The following MAD1L1 variants were observed in gnomAD, a reference collection of about 807,000 sequenced individuals.
The protein encoded by MAD1L1 is mitotic arrest deficient 1 like 1, also known as mitotic spindle assembly checkpoint protein MAD1.
A neutral mutation model predicts 96.9 loss-of-function variants in MAD1L1; 95 were observed. That is an observed-to-expected ratio of 0.98 (90% CI 0.83 to 1.16). The LOEUF (loss-of-function observed/expected upper bound fraction) is 1.16, where lower values mean the gene tolerates loss of function less well. Among genes scored for constraint, MAD1L1 ranks in the 50% most tolerant of loss-of-function variants. MAD1L1 has a pLI of 0.00. For missense variants in MAD1L1, 1,007 were observed against 954.4 expected, an observed-to-expected ratio of 1.06 and a Z score of -0.73; for synonymous variants, 473 against 396.6, an observed-to-expected ratio of 1.19 and a Z score of -2.29.
At chr7:1,834,856 G>T (rs1028773301) in intron 18 of MAD1L1, among the ~76,000 whole-genome samples, 1 of 151,646 alleles carries the variant, frequency 6.6e-6, no homozygotes, top group Admixed American at 6.6e-5. Context: ...ATTACAAGCC[G>T]CACCCCCCCA....
At chr7:2,083,121 A>C (rs114231341) in intron 11 of MAD1L1, among the ~76,000 whole-genome samples, 1 of 152,322 alleles carries the variant, frequency 6.6e-6, no homozygotes, top group African/African-American at 2.4e-5. Context: ...TCGACCAATA[A>C]AGAAACATCT....
chr7:1,817,910 G>A (rs1157012820), intron 18 of MAD1L1, among the ~76,000 whole-genome samples: 7 of 151,960 alleles, frequency 4.6e-5, no homozygotes, highest in Admixed American at 3.9e-4. Flanking sequence ...TTTGGAGCAC[G>A]TGCTGCCCCA....
At chr7:2,156,145 G>A (rs544144009) in intron 10 of MAD1L1, among the ~76,000 whole-genome samples, 1 of 151,942 alleles carries the variant, frequency 6.6e-6, no homozygotes, top group African/African-American at 2.4e-5. Flanking sequence ...GTTTCACGGC[G>A]GGTGTGGCGA....
intron 18 of MAD1L1, among the ~76,000 whole-genome samples, chr7:1,855,442 C>T (rs1212109110): frequency 6.6e-6 from 1 of 152,036 alleles, no homozygotes; most frequent in Non-Finnish European, 1.5e-5. Context: ...ACTATAACAG[C>T]GGGAGGAAAG....
intron 18 of MAD1L1, among the ~76,000 whole-genome samples, chr7:1,894,441 G>A (rs1786739732): frequency 6.6e-6 from 1 of 152,190 alleles, no homozygotes; most frequent in African/African-American, 2.4e-5. Context: ...GGCTGGAGCT[G>A]AACCAGCCAA....
chr7:1,851,704 C>T (rs1442330430), intron 18 of MAD1L1, among the ~76,000 whole-genome samples: 1 of 152,120 alleles, frequency 6.6e-6, no homozygotes, highest in African/African-American at 2.4e-5. Context: ...GGGACACAGC[C>T]TTCAGTGCCG....
intron 13 of MAD1L1, among the ~76,000 whole-genome samples, chr7:2,007,453 G>A (rs1377117422): frequency 1.3e-5 from 2 of 152,204 alleles, no homozygotes; most frequent in South Asian, 2.1e-4. Flanking sequence ...AGGCCGAGGC[G>A]GGTGGATCAC....
Position 2,212,530 on chromosome 7 carries a change from T to C in MAD1L1, c.986+682A>G, listed in dbSNP as rs143258162. ...CATGATAGTGAGTTCTCATGAGATCTGGTCATTTAGAAGTGTGTGGCACCT... is the reference window on the plus strand; with the variant it reads ...CATGATAGTGAGTTCTCATGAGATCCGGTCATTTAGAAGTGTGTGGCACCT... On this transcript the variant is annotated intron_variant, in intron 10 of 18. Transcript: ENST00000265854. Among the ~76,000 whole-genome samples, 23 of 152,288 alleles carry C rather than the reference T, an allele frequency of 1.5e-4. No homozygotes were observed. In the East Asian group the frequency reaches 4.4e-3, roughly 29 times the overall value.
At chr7:1,954,677 C>G (rs1420324134) in intron 16 of MAD1L1, among the ~76,000 whole-genome samples, 1 of 152,214 alleles carries the variant, frequency 6.6e-6, no homozygotes, top group Non-Finnish European at 1.5e-5. Context: ...CACTGCAACA[C>G]GTTCAAGACT....
Position 2,229,876 on chromosome 7 carries a change from T to C in MAD1L1, c.150+108A>G, listed in dbSNP as rs566979713. 302 of 1,200,682 alleles carry C rather than the reference T, an allele frequency of 2.5e-4. No homozygotes were observed. In the African/African-American group the frequency reaches 3.2e-3, roughly 13 times the overall value. 74.4% of individuals were successfully genotyped at this position (1,200,682 alleles called of 1,614,324 possible). On this transcript the variant is annotated intron_variant, in intron 3 of 18. Coordinates refer to ENST00000265854, the MANE Select transcript of MAD1L1 (RefSeq NM_001013836.2). ...GACCTGGGAGACGAATAGCTGTCTC[T>C]AGGCTCTGCTAATACCGACCCACCT...
intron 10 of MAD1L1, among the ~76,000 whole-genome samples, chr7:2,195,228 G>C (rs1791926176): frequency 6.6e-6 from 1 of 152,152 alleles, no homozygotes; most frequent in South Asian, 2.1e-4. Context: ...TAAAAGAAAT[G>C]CTTGTAATAG....
chr7:1,898,444 G>A, intron 17 of MAD1L1, 54 bp from the exon 18 acceptor site: 1 of 1,542,108 alleles, frequency 6.5e-7, no homozygotes, highest in South Asian at 1.2e-5. Context: ...GGAGGGGTGG[G>A]GACCCGGGAG....
chr7:1,940,897 A>G (rs1305212036), intron 16 of MAD1L1, among the ~76,000 whole-genome samples: 2 of 53,132 alleles, frequency 3.8e-5, no homozygotes. Context: ...GCGTGTACTC[A>G]GCCCTCCTCT....
intron 11 of MAD1L1, among the ~76,000 whole-genome samples, chr7:2,118,242 C>T (rs1201943209): frequency 6.6e-6 from 1 of 152,222 alleles, no homozygotes; most frequent in Non-Finnish European, 1.5e-5. Flanking sequence ...GGGGCAGCAT[C>T]CAGGGCACAG....
intron 18 of MAD1L1, among the ~76,000 whole-genome samples, chr7:1,892,791 G>C (rs930680238): frequency 2.0e-5 from 3 of 152,216 alleles, no homozygotes; most frequent in Non-Finnish European, 2.9e-5. Flanking sequence ...GAAGGCCCTG[G>C]ACAGCAAGGA....
At chr7:1,827,562 C>T (rs1222478753) in intron 18 of MAD1L1, among the ~76,000 whole-genome samples, 5 of 127,944 alleles carry the variant, frequency 3.9e-5, no homozygotes, top group Non-Finnish European at 7.0e-5. Context: ...CTCCTGAGCC[C>T]GTCCCGGGTG....
At chr7:2,217,774 A>G (rs553807732) in intron 7 of MAD1L1, among the ~76,000 whole-genome samples, 188 bp downstream of exon 7, 111 of 152,356 alleles carry the variant, frequency 7.3e-4, no homozygotes, top group Middle Eastern at 6.8e-3. Context: ...CACGCTCCCA[A>G]GAGCGGAAGC....
chr7:2,169,900 G>C, intron 10 of MAD1L1, among the ~76,000 whole-genome samples: 1 of 134,132 alleles, frequency 7.5e-6, no homozygotes, highest in Non-Finnish European at 1.7e-5. Context: ...GGCCAGGACT[G>C]AGAGCACAAA....
At chr7:2,117,799 A>G (rs529225752) in intron 11 of MAD1L1, among the ~76,000 whole-genome samples, 1 of 152,270 alleles carries the variant, frequency 6.6e-6, no homozygotes, top group African/African-American at 2.4e-5. Flanking sequence ...CACAGGGGTA[A>G]GAGAAGAGAG....
Sources: gnomAD v4.1 joint callset for allele counts (sites outside exome capture counted in the v4.1 genomes callset) on GRCh38, gnomAD v4.1.1 for gene constraint, MANE v1.5 for transcripts, NCBI Gene and HGNC (gene_info 2026-07-23, HGNC 2026-07-21) for gene names.